Variants in GRID2 observed in about 807,000 individuals in gnomAD.
The protein encoded by GRID2 is glutamate ionotropic receptor delta type subunit 2, also known as glutamate receptor ionotropic, delta-2.
GRID2 carries 33 observed loss-of-function variants against 114.8 expected under a neutral mutation model. The ratio of observed to expected loss-of-function variants is 0.29; its 90% CI spans 0.22 to 0.38. GRID2 has a LOEUF of 0.38. GRID2 is among the 10% of genes least tolerant of loss of function. The pLI, the probability that GRID2 is intolerant of heterozygous loss-of-function variation, is 1.00. For missense variants in GRID2, 1,184 were observed against 1,257.7 expected (o/e 0.94, Z 0.89); for synonymous variants, 505 against 449.9 (o/e 1.12, Z -1.55).
chr4:93,069,956 G>A (rs1166345159), intron 2 of GRID2, among the ~76,000 whole-genome samples: 1 of 152,024 alleles, frequency 6.6e-6, no homozygotes, highest in African/African-American at 2.4e-5. Flanking sequence ...TTGGTTGTTG[G>A]TTGTTTCAGT....
chr4:92,876,906 T>C (rs535043657), intron 2 of GRID2, among the ~76,000 whole-genome samples: 1 of 152,288 alleles, frequency 6.6e-6, no homozygotes, highest in East Asian at 1.9e-4. Flanking sequence ...GTAAACATGG[T>C]TGAATTGAAT....
At chr4:93,043,403 C>T (rs1053384248) in intron 2 of GRID2, among the ~76,000 whole-genome samples, 3 of 151,978 alleles carry the variant, frequency 2.0e-5, no homozygotes, top group Non-Finnish European at 4.4e-5. Context: ...TGGTGCAATA[C>T]GTCATATAAA....
intron 13 of GRID2, among the ~76,000 whole-genome samples, chr4:93,541,312 A>C (rs1578220523): frequency 6.6e-6 from 1 of 152,214 alleles, no homozygotes; most frequent in East Asian, 1.9e-4. Context: ...TAACAACATG[A>C]CTATAATGTT....
chr4:92,661,094 T>A (rs371823773), intron 2 of GRID2, among the ~76,000 whole-genome samples: 111 of 150,844 alleles, frequency 7.4e-4, no homozygotes, highest in African/African-American at 2.5e-3. Context: ...TCAGCTAACA[T>A]GACAGTATGG....
chr4:92,353,407 AT>A lies in GRID2; in HGVS notation c.88+48668del, dbSNP rs575721832. On this transcript the variant is annotated intron_variant, in intron 1 of 15. Coordinates refer to ENST00000282020, the MANE Select transcript of GRID2 (RefSeq NM_001510.4). Reference sequence around the variant, plus strand: ...TCCTGTTTTTATACACTATGAGGTTATTTTTGTTGAAAAATTGACTTTTAAA... The same window carrying A: ...TCCTGTTTTTATACACTATGAGGTTATTTTGTTGAAAAATTGACTTTTAAA... 4.1e-4 allele frequency among the ~76,000 whole-genome samples: 62 copies of A among 152,004 alleles called. 1 individual carries two copies. In the South Asian group the frequency reaches 0.012, roughly 29 times the overall value.
intron 2 of GRID2, among the ~76,000 whole-genome samples, chr4:92,840,514 A>G (rs1371058809): frequency 6.6e-6 from 1 of 151,862 alleles, no homozygotes; most frequent in African/African-American, 2.4e-5. Context: ...TTATTCCCAA[A>G]CTCCAGATGA....
At chr4:92,694,637 A>G (rs999263199) in intron 2 of GRID2, among the ~76,000 whole-genome samples, 1 of 152,186 alleles carries the variant, frequency 6.6e-6, no homozygotes, top group African/African-American at 2.4e-5. Flanking sequence ...TGTATGTCTT[A>G]TTAATCTGAC....
chr4:93,257,960 TAC>T (rs1298610830), intron 8 of GRID2, among the ~76,000 whole-genome samples: 2 of 146,196 alleles, frequency 1.4e-5, no homozygotes, highest in African/African-American at 5.1e-5. Flanking sequence ...TATATACATA[TAC>T]ACACAATATG....
intron 3 of GRID2, among the ~76,000 whole-genome samples, chr4:93,088,077 T>C (rs1422676764): frequency 1.3e-5 from 2 of 152,274 alleles, no homozygotes; most frequent in African/African-American, 4.8e-5. Flanking sequence ...AAAAAATATA[T>C]ACTTTTTAAA....
rs532164148 is a variant in GRID2 at position 93,411,554 on chromosome 4, C to T, written c.1348-11217C>T. Among the ~76,000 whole-genome samples the T allele has an allele frequency of 1.0e-3, 153 of 152,066 alleles. 1 individual carries two copies. Among genetic ancestry groups the T allele is most frequent in the African/African-American group, 3.6e-3 (149 of 41,478 alleles). The stretch of plus-strand genomic sequence containing the variant: ...GGTTCAAGCGATTCTCCCGCCTCAG[C>T]CTCCAGAGTAGCTGGGACTACAGGT... On this transcript the variant is annotated intron_variant, in intron 9 of 15. Coordinates refer to ENST00000282020, the MANE Select transcript of GRID2 (RefSeq NM_001510.4).
chr4:92,341,783 C>T (rs1188918844), intron 1 of GRID2, among the ~76,000 whole-genome samples: 2 of 151,746 alleles, frequency 1.3e-5, no homozygotes, highest in Non-Finnish European at 2.9e-5. Flanking sequence ...GGCGTGGTGG[C>T]GGGCGCCTGT....
At chr4:93,697,441 C>T (rs1171242343) in intron 14 of GRID2, among the ~76,000 whole-genome samples, 4 of 151,986 alleles carry the variant, frequency 2.6e-5, no homozygotes, top group East Asian at 1.9e-4. Context: ...TAGCAGATGA[C>T]GGTCACTTTC....
intron 5 of GRID2, among the ~76,000 whole-genome samples, chr4:93,215,025 A>T (rs1228967396): frequency 1.1e-4 from 16 of 152,062 alleles, no homozygotes; most frequent in Non-Finnish European, 2.4e-4. Context: ...ATAAACTGAG[A>T]ATAAATAGCA....
At chr4:93,408,622 G>A (rs1766780641) in intron 9 of GRID2, among the ~76,000 whole-genome samples, 1 of 151,990 alleles carries the variant, frequency 6.6e-6, no homozygotes, top group Non-Finnish European at 1.5e-5. Context: ...TTTGATAAGA[G>A]CTGGCACAGA....
At chr4:93,532,440 G>A (rs1731542649) in intron 13 of GRID2, among the ~76,000 whole-genome samples, 1 of 152,148 alleles carries the variant, frequency 6.6e-6, no homozygotes, top group Admixed American at 6.6e-5. Flanking sequence ...CTGCTCAGCA[G>A]TATGTAAATG....
intron 13 of GRID2, among the ~76,000 whole-genome samples, chr4:93,566,101 C>A (rs2149572085): frequency 6.6e-6 from 1 of 152,256 alleles, no homozygotes; most frequent in East Asian, 1.9e-4. Flanking sequence ...CATATTTCTA[C>A]ACCTGACTGG....
intron 2 of GRID2, among the ~76,000 whole-genome samples, chr4:92,867,332 C>T (rs924134156): frequency 1.3e-5 from 2 of 151,758 alleles, no homozygotes; most frequent in African/African-American, 2.4e-5. Context: ...TTAAGGAAAC[C>T]CTTTATTCAC....
intron 2 of GRID2, among the ~76,000 whole-genome samples, chr4:92,706,477 G>GAATCACACATATATT (rs1560543578): frequency 6.6e-6 from 1 of 151,716 alleles, no homozygotes; most frequent in Non-Finnish European, 1.5e-5. Flanking sequence ...CCAAATGTAT[G>GAATCACACATATATT]AGTCACACAT....
intron 1 of GRID2, among the ~76,000 whole-genome samples, chr4:92,503,331 T>C (rs1478501553): frequency 6.6e-6 from 1 of 152,102 alleles, no homozygotes; most frequent in Admixed American, 6.6e-5. Context: ...TTTACTAAGC[T>C]CATTTTAGAA....
Sources: allele counts gnomAD v4.1 joint callset (sites outside exome capture counted in the v4.1 genomes callset), GRCh38; gene constraint gnomAD v4.1.1; transcripts MANE v1.5; gene names NCBI Gene and HGNC (gene_info 2026-07-23, HGNC 2026-07-21).